Variants in LRFN2 observed in about 807,000 individuals in gnomAD.
LRFN2 encodes the protein leucine rich repeat and fibronectin type III domain containing 2.
In LRFN2, 18 loss-of-function variants were observed where a neutral mutation model predicts 37.3. The observed-to-expected ratio is 0.48, with a 90% CI of 0.33 to 0.72. The LOEUF (loss-of-function observed/expected upper bound fraction) is 0.72, where lower values mean the gene tolerates loss of function less well. Among genes scored for constraint, LRFN2 ranks in the 30% least tolerant of loss-of-function variants. LRFN2 has a pLI of 0.02. For synonymous variants in LRFN2, 556 were observed against 466.6 expected (o/e 1.19, Z -2.47); for missense variants, 1,006 against 1,060.7 (o/e 0.95, Z 0.72).
intron 1 of LRFN2, among the ~76,000 whole-genome samples, chr6:40,552,272 G>A (rs1278768421): frequency 6.6e-6 from 1 of 152,196 alleles, no homozygotes; most frequent in Non-Finnish European, 1.5e-5. Context: ...TTCTAGAACA[G>A]TGGTTCTCAA....
intron 1 of LRFN2, among the ~76,000 whole-genome samples, chr6:40,528,999 A>T (rs1028707466): frequency 1.3e-5 from 2 of 152,178 alleles, no homozygotes; most frequent in African/African-American, 2.4e-5. Context: ...CTTCTCTAGC[A>T]GGCAGGGGCT....
chr6:40,466,988 G>A (rs1581727775), intron 1 of LRFN2, among the ~76,000 whole-genome samples: 1 of 152,026 alleles, frequency 6.6e-6, no homozygotes, highest in African/African-American at 2.4e-5. Context: ...GGAGAAGACG[G>A]CCACCTACAA....
At chr6:40,509,592 C>T (rs549329857) in intron 1 of LRFN2, among the ~76,000 whole-genome samples, 1 of 151,514 alleles carries the variant, frequency 6.6e-6, no homozygotes, top group East Asian at 2.0e-4. Context: ...GCAGATATGC[C>T]AGGGAATATT....
chr6:40,560,460 G>C (rs537575702), intron 1 of LRFN2, among the ~76,000 whole-genome samples: 1 of 152,168 alleles, frequency 6.6e-6, no homozygotes, highest in South Asian at 2.1e-4. Context: ...GGCAGGCAAG[G>C]GTGTGCCTGA....
At chr6:40,401,350 G>A (rs1190446256) in intron 2 of LRFN2, among the ~76,000 whole-genome samples, 1 of 151,950 alleles carries the variant, frequency 6.6e-6, no homozygotes, top group Non-Finnish European at 1.5e-5. Flanking sequence ...GCCATCTCTG[G>A]GCCAGGTCTT....
intron 2 of LRFN2, among the ~76,000 whole-genome samples, chr6:40,421,631 T>C (rs981752025): frequency 6.6e-5 from 10 of 152,162 alleles, no homozygotes; most frequent in Admixed American, 5.2e-4. Context: ...ATGTTTCTTA[T>C]CAGACTTAAA....
chr6:40,572,645 T>C (rs892669072), intron 1 of LRFN2, among the ~76,000 whole-genome samples: 1 of 152,212 alleles, frequency 6.6e-6, no homozygotes, highest in Non-Finnish European at 1.5e-5. Context: ...ATTTATAGAC[T>C]CTTGTCCCTG....
intron 1 of LRFN2, among the ~76,000 whole-genome samples, chr6:40,576,568 A>G (rs1408522169): frequency 6.6e-6 from 1 of 152,118 alleles, no homozygotes; most frequent in Non-Finnish European, 1.5e-5. Context: ...CTCATGATCC[A>G]TTGCTCTCTC....
Position 40,392,453 on chromosome 6 carries a change from G to C in LRFN2, c.1860C>G (p.Asp620Glu). 6.4e-7 allele frequency: 1 copy of C among 1,567,348 alleles called. No individual in the cohort carries two copies. The highest frequency in any genetic ancestry group is 8.6e-7 in the Non-Finnish European group (1 of 1,156,082). Residue 620 changes from aspartate to glutamate, a missense_variant, in exon 3 of 3, where the codon GAC becomes GAG. This residue lies in a region of LRFN2 where 398 missense variants were observed against 327.6 expected (regional missense o/e 1.21). Transcript: ENST00000338305. The surrounding 1 kb of genome is among the most constrained non-coding windows in gnomAD (Gnocchi z 4.7). Reference protein sequence around the residue: ...DFTASLARASDSSSSSSLGSG... With the variant: ...DFTASLARASESSSSSSLGSG... ...TGCCCAGGGAGCTGGAGGAAGAGGA[G>C]TCACTGGCGCGGGCCAGGCTGGCGG...
intron 1 of LRFN2, among the ~76,000 whole-genome samples, chr6:40,448,776 A>T (rs1764033167): frequency 6.6e-6 from 1 of 152,358 alleles, no homozygotes; most frequent in East Asian, 1.9e-4. Context: ...GGCAGAAGGC[A>T]GAACCAAGGA....
At chr6:40,500,585 A>G (rs931510892) in intron 1 of LRFN2, among the ~76,000 whole-genome samples, 3 of 152,276 alleles carry the variant, frequency 2.0e-5, no homozygotes, top group African/African-American at 7.2e-5. Context: ...AGGCTTTCAT[A>G]CAAGGATGTT....
chr6:40,449,285 C>T (rs1027134666), intron 1 of LRFN2, among the ~76,000 whole-genome samples: 1 of 152,162 alleles, frequency 6.6e-6, no homozygotes, highest in Non-Finnish European at 1.5e-5. Flanking sequence ...TAAATATATA[C>T]AAATTGTAAA....
At position 40,489,362 on chromosome 6, in the gene LRFN2, C is replaced by T. The variant is rs115503836; in HGVS notation, c.-18-56231G>A. 5.0e-3 allele frequency among the ~76,000 whole-genome samples: 758 copies of T among 152,332 alleles called. 11 individuals carry two copies. The highest frequency in any genetic ancestry group is 0.017 in the African/African-American group (697 of 41,570). On this transcript the variant is annotated intron_variant, in intron 1 of 2. Transcript: ENST00000338305. ...TTGGACCTCTTCACTCCACAGATGG[C>T]GAAACTGAGGACCCAAGTGGGGCAG...
Position 40,466,707 on chromosome 6 carries a change from C to T in LRFN2, c.-18-33576G>A, listed in dbSNP as rs189642587. On this transcript the variant is annotated intron_variant, in intron 1 of 2. Transcript: ENST00000338305. ...CACCCCAGGCAAGTCACTTCTGTCC[C>T]TGCCTTAATTTTTTAGCCGTAAAAT... is the stretch of plus-strand genomic sequence containing the variant. Among the ~76,000 whole-genome samples, 141 of 152,244 alleles carry T rather than the reference C, an allele frequency of 9.3e-4. 1 individual carries two copies. In the East Asian group the frequency reaches 0.024, roughly 26 times the overall value.
chr6:40,408,164 C>T (rs182877671), intron 2 of LRFN2, among the ~76,000 whole-genome samples: 132 of 152,136 alleles, frequency 8.7e-4, no homozygotes, highest in African/African-American at 3.0e-3. Context: ...AGTGACTGCA[C>T]AACAATATGA....
chr6:40,463,958 T>C lies in LRFN2; in HGVS notation c.-18-30827A>G, dbSNP rs118105310. ...TCCATGTGTATTTGCTCATGCCTCCTTTCCACCTTGAACAATGACCTGCCT... is the reference window on the plus strand; with the variant it reads ...TCCATGTGTATTTGCTCATGCCTCCCTTCCACCTTGAACAATGACCTGCCT... On this transcript the variant is annotated intron_variant, in intron 1 of 2. Coordinates refer to ENST00000338305, the MANE Select transcript of LRFN2 (RefSeq NM_020737.3). Among the ~76,000 whole-genome samples, 18 of 152,288 alleles carry C rather than the reference T, an allele frequency of 1.2e-4. No homozygotes were observed. In the East Asian group the frequency reaches 3.5e-3, roughly 29 times the overall value.
rs1281253736 is a variant in LRFN2, at chr6:40,482,375, T to C, written c.-18-49244A>G. On this transcript the variant is annotated intron_variant, in intron 1 of 2. Coordinates refer to ENST00000338305, the MANE Select transcript of LRFN2 (RefSeq NM_020737.3). ...ACCAGAGTCAGGAGAAGATGCTACG[T>C]TCTGGAGGCCCCTGGGGACCACGTG... is the stretch of plus-strand genomic sequence containing the variant. Among the ~76,000 whole-genome samples the C allele has an allele frequency of 2.6e-5, 4 of 152,040 alleles. No individual in the cohort carries two copies. The South Asian group carries it at 8.3e-4, about 32-fold the overall frequency.
chr6:40,396,783 G>A (rs1762626474), intron 2 of LRFN2, among the ~76,000 whole-genome samples: 1 of 151,610 alleles, frequency 6.6e-6, no homozygotes, highest in Non-Finnish European at 1.5e-5. Context: ...GAGGAGTTGG[G>A]GTGACTTAAG....
intron 2 of LRFN2, among the ~76,000 whole-genome samples, chr6:40,428,898 C>T (rs1245947301): frequency 6.6e-6 from 1 of 152,136 alleles, no homozygotes; most frequent in Non-Finnish European, 1.5e-5. Context: ...ACTTCCTCTT[C>T]CATTTTATTC....
Sources: gnomAD v4.1 joint callset for allele counts (sites outside exome capture counted in the v4.1 genomes callset) on GRCh38, gnomAD v4.1.1 for gene constraint, gnomAD v4.1.1 regional missense constraint, Gnocchi (gnomAD v3.1) non-coding constraint, MANE v1.5 for transcripts, NCBI Gene and HGNC (gene_info 2026-07-23, HGNC 2026-07-21) for gene names.